The following ESR1 variants were observed in gnomAD, a reference collection of about 807,000 sequenced individuals.
ESR1 encodes the protein estrogen receptor.
ESR1 carries 12 observed loss-of-function variants against 52.7 expected under a neutral mutation model. The observed-to-expected ratio is 0.23, with a 90% CI of 0.15 to 0.37. The LOEUF (loss-of-function observed/expected upper bound fraction) is 0.37. ESR1 is among the 10% of genes least tolerant of loss of function. ESR1 has a pLI of 1.00. For synonymous variants in ESR1, 305 were observed against 316.8 expected, an observed-to-expected ratio of 0.96 and a Z score of 0.39; for missense variants, 584 against 779.7, an observed-to-expected ratio of 0.75 and a Z score of 2.99.
At chr6:151,836,082 A>T (rs1476747498) in intron 1 of ESR1, among the ~76,000 whole-genome samples, 1 of 152,176 alleles carries the variant, frequency 6.6e-6, no homozygotes, top group Non-Finnish European at 1.5e-5. Flanking sequence ...TCAAATGTGG[A>T]GTATTGTTGA....
At chr6:152,059,503 A>G (rs931689493) in intron 5 of ESR1, among the ~76,000 whole-genome samples, 1 of 152,228 alleles carries the variant, frequency 6.6e-6, no homozygotes, top group African/African-American at 2.4e-5. Flanking sequence ...ATGGCTTATT[A>G]CTATAATATT....
intron 2 of ESR1, among the ~76,000 whole-genome samples, chr6:151,857,390 G>A (rs1054456814): frequency 6.6e-6 from 1 of 151,736 alleles, no homozygotes; most frequent in African/African-American, 2.4e-5. Flanking sequence ...TATAGATTTT[G>A]GTGTCTGAGG....
chr6:151,667,256 A>T (rs1419793185), intron 1 of ESR1, among the ~76,000 whole-genome samples: 3 of 152,194 alleles, frequency 2.0e-5, no homozygotes, highest in Non-Finnish European at 4.4e-5. Flanking sequence ...TCATTTTATT[A>T]AAAATTGTTT....
At chr6:151,678,271 G>A (rs952289392) in intron 1 of ESR1, among the ~76,000 whole-genome samples, 38 of 152,064 alleles carry the variant, frequency 2.5e-4, no homozygotes, top group Non-Finnish European at 4.4e-4. Flanking sequence ...TCAGGAGTAC[G>A]AGACCAGCCG....
At chr6:151,864,759 T>A (rs1407010807) in intron 2 of ESR1, among the ~76,000 whole-genome samples, 1 of 152,076 alleles carries the variant, frequency 6.6e-6, no homozygotes, top group South Asian at 2.1e-4. Context: ...TATGCAGCCA[T>A]AAAAAAGGAT....
At chr6:152,085,560 A>G (rs1345599859) in intron 6 of ESR1, among the ~76,000 whole-genome samples, 1 of 152,084 alleles carries the variant, frequency 6.6e-6, no homozygotes, top group Non-Finnish European at 1.5e-5. Context: ...AGGCATCTTT[A>G]TTCATAGGCT....
chr6:152,116,867 T>C (rs1431306126), intron 6 of ESR1, among the ~76,000 whole-genome samples: 1 of 152,160 alleles, frequency 6.6e-6, no homozygotes, highest in Admixed American at 6.5e-5. Flanking sequence ...GAGTTCAGAA[T>C]AAAAATCCAG....
chr6:151,868,158 C>T (rs1478263458), intron 2 of ESR1, among the ~76,000 whole-genome samples: 2 of 151,826 alleles, frequency 1.3e-5, no homozygotes, highest in Non-Finnish European at 2.9e-5. Context: ...GATGGAGTCT[C>T]GCTCTGTCAC....
intron 2 of ESR1, among the ~76,000 whole-genome samples, chr6:151,858,851 T>G (rs1788369041): frequency 6.6e-6 from 1 of 152,192 alleles, no homozygotes; most frequent in South Asian, 2.1e-4. Flanking sequence ...AAAGACTGAA[T>G]CATTTACCAA....
chr6:151,744,755 T>G (rs185008034), intron 2 of ESR1, among the ~76,000 whole-genome samples: 1 of 152,234 alleles, frequency 6.6e-6, no homozygotes, highest in Non-Finnish European at 1.5e-5. Flanking sequence ...TGGTTACTTG[T>G]GCTTTATGTG....
chr6:151,981,314 A>G (rs2039971168), intron 4 of ESR1, among the ~76,000 whole-genome samples: 1 of 152,180 alleles, frequency 6.6e-6, no homozygotes, highest in South Asian at 2.1e-4. Context: ...AAATAATAAA[A>G]CCAGAGATCT....
intron 1 of ESR1, among the ~76,000 whole-genome samples, chr6:151,674,897 T>C (rs561275882): frequency 3.4e-4 from 52 of 152,362 alleles, no homozygotes; most frequent in African/African-American, 1.2e-3. Context: ...TTTGTAAAAC[T>C]GCATTGGATT....
downstream of ESR1, among the ~76,000 whole-genome samples, chr6:152,106,020 C>T (rs2051062901): frequency 6.6e-6 from 1 of 151,090 alleles, no homozygotes; most frequent in East Asian, 2.0e-4. Context: ...GTCTCGATCT[C>T]CTGACCTCAT....
intron 2 of ESR1, among the ~76,000 whole-genome samples, chr6:151,848,892 T>G (rs1785745382): frequency 6.6e-6 from 1 of 152,136 alleles, no homozygotes; most frequent in South Asian, 2.1e-4. Context: ...TTCGACATAT[T>G]CTCTCTCCTA....
At chr6:152,037,876 A>G (rs1458100529) in intron 5 of ESR1, among the ~76,000 whole-genome samples, 3 of 152,208 alleles carry the variant, frequency 2.0e-5, no homozygotes, top group Non-Finnish European at 4.4e-5. Flanking sequence ...TTGATAAATA[A>G]TATCAACACT....
chr6:152,101,646 A>AT lies in ESR1; in HGVS notation c.*2683dup, dbSNP rs147866673. On this transcript the variant is annotated 3_prime_UTR_variant, in exon 8 of 8. Coordinates refer to ENST00000206249, the MANE Select transcript of ESR1 (RefSeq NM_000125.4). ...TGTTGGTATTGGGTGTAGGAACATG[A>AT]TTTAAAAAAAAACTCTTGCCTCTGC... is the stretch of plus-strand genomic sequence containing the variant. 57 of 231,068 alleles carry AT rather than the reference A, an allele frequency of 2.5e-4. No individual in the cohort carries two copies. The highest frequency in any genetic ancestry group is 1.2e-3 in the African/African-American group (53 of 45,306). The allele number at this position is 231,068 out of a possible 1,614,324, so 14.3% of individuals were successfully genotyped here.
At chr6:152,017,504 G>T (rs1324995298) in intron 5 of ESR1, among the ~76,000 whole-genome samples, 1 of 152,062 alleles carries the variant, frequency 6.6e-6, no homozygotes, top group African/African-American at 2.4e-5. Context: ...TTTACAAGAG[G>T]AAAGTTAAAG....
chr6:151,774,707 G>A (rs932372422), intron 2 of ESR1, among the ~76,000 whole-genome samples: 5 of 152,134 alleles, frequency 3.3e-5, no homozygotes, highest in Admixed American at 6.5e-5. Flanking sequence ...TTGAACATTC[G>A]TAGGATTAAA....
chr6:151,979,751 C>CT (rs557287116), intron 4 of ESR1, among the ~76,000 whole-genome samples: 61 of 151,868 alleles, frequency 4.0e-4, no homozygotes, highest in African/African-American at 1.4e-3. Context: ...TGCAATGTTG[C>CT]TTTTTTTTAA....
Sources: gnomAD v4.1 joint callset for allele counts (sites outside exome capture counted in the v4.1 genomes callset) on GRCh38, gnomAD v4.1.1 for gene constraint, MANE v1.5 for transcripts, NCBI Gene and HGNC (gene_info 2026-07-23, HGNC 2026-07-21) for gene names.